The following KLRG1 variants were observed in gnomAD, a reference collection of about 807,000 sequenced individuals.
KLRG1 encodes the protein killer cell lectin-like receptor subfamily G member 1.
A neutral mutation model predicts 21.8 loss-of-function variants in KLRG1; 16 were observed. The ratio of observed to expected loss-of-function variants is 0.73; its 90% CI spans 0.50 to 1.11. The LOEUF (loss-of-function observed/expected upper bound fraction) is 1.11, where lower values mean the gene tolerates loss of function less well. KLRG1 is among the 50% of genes most tolerant of loss of function. KLRG1 has a pLI of 0.00. For synonymous variants in KLRG1, 69 were observed against 75.9 expected, an observed-to-expected ratio of 0.91 and a Z score of 0.47; for missense variants, 173 against 218.3, an observed-to-expected ratio of 0.79 and a Z score of 1.31.
At chr12:8,998,860 A>G (rs981490330) in intron 3 of KLRG1, among the ~76,000 whole-genome samples, 1 of 152,158 alleles carries the variant, frequency 6.6e-6, no homozygotes, top group Non-Finnish European at 1.5e-5. Flanking sequence ...GAATTGACAT[A>G]CAGAATGTAC....
chr12:9,165,154 A>T, the KLRG1 span: 1 of 1,613,910 alleles, frequency 6.2e-7, no homozygotes, highest in African/African-American at 1.3e-5. Flanking sequence ...TGCATTTGGG[A>T]AGGTAGTTTA....
At chr12:9,022,241 G>A in the KLRG1 span, among the ~76,000 whole-genome samples, 6 of 152,188 alleles carry the variant, frequency 3.9e-5, no homozygotes, top group South Asian at 4.1e-4. Flanking sequence ...ATACTTTTAC[G>A]TGACTGGCAG....
At chr12:9,162,432 T>G in the KLRG1 span, 1 of 600,058 alleles carries the variant, frequency 1.7e-6, no homozygotes, top group Non-Finnish European at 2.9e-6. Context: ...TCTCTTGGGC[T>G]CAATGTCTTC....
At chr12:9,024,839 G>A in the KLRG1 span, among the ~76,000 whole-genome samples, 1 of 152,052 alleles carries the variant, frequency 6.6e-6, no homozygotes, top group South Asian at 2.1e-4. Context: ...TCTTTCCCTT[G>A]CTAGTAATGC....
chr12:9,016,479 A>T, the KLRG1 span, among the ~76,000 whole-genome samples: 1 of 152,182 alleles, frequency 6.6e-6, no homozygotes, highest in African/African-American at 2.4e-5. Flanking sequence ...ACTTGAGCAG[A>T]CCAATAACAG....
At chr12:9,171,820 C>T in the KLRG1 span, among the ~76,000 whole-genome samples, 1 of 152,084 alleles carries the variant, frequency 6.6e-6, no homozygotes, top group Non-Finnish European at 1.5e-5. Context: ...TGAACAAAAC[C>T]TCTGAGAAAT....
At chr12:9,096,941 T>C in the KLRG1 span, among the ~76,000 whole-genome samples, 2 of 152,084 alleles carry the variant, frequency 1.3e-5, no homozygotes, top group African/African-American at 4.8e-5. Flanking sequence ...GTTGAATGAA[T>C]GACCTACACT....
chr12:8,967,493 A>G (rs1203877342), intron 1 of KLRG1, among the ~76,000 whole-genome samples: 2 of 152,182 alleles, frequency 1.3e-5, no homozygotes, highest in Admixed American at 6.5e-5. Flanking sequence ...AAGCTGAGGC[A>G]GGAGGATCCT....
the KLRG1 span, among the ~76,000 whole-genome samples, chr12:9,037,625 C>A: frequency 6.6e-6 from 1 of 152,228 alleles, no homozygotes; most frequent in Non-Finnish European, 1.5e-5. Flanking sequence ...ACTCACCACT[C>A]ACTGACTCAC....
At chr12:9,109,613 G>C in the KLRG1 span, among the ~76,000 whole-genome samples, 1 of 152,102 alleles carries the variant, frequency 6.6e-6, no homozygotes, top group Admixed American at 6.5e-5. Flanking sequence ...AATTAATTAT[G>C]GAAAACTCCA....
the KLRG1 span, among the ~76,000 whole-genome samples, chr12:9,053,968 C>A: frequency 1.3e-5 from 2 of 152,192 alleles, no homozygotes; most frequent in African/African-American, 4.8e-5. Context: ...CAGCTCCTCA[C>A]CCTCCATGAT....
chr12:9,149,634 G>A, the KLRG1 span: 5 of 1,606,508 alleles, frequency 3.1e-6, no homozygotes, highest in East Asian at 2.2e-5. Context: ...AGGAAGAAAC[G>A]AAAGATCTAT....
chr12:9,113,614 C>A, the KLRG1 span: 1 of 1,423,086 alleles, frequency 7.0e-7, no homozygotes, highest in Non-Finnish European at 9.8e-7. Context: ...CACTTTTTTC[C>A]ATCATCATAA....
intron 1 of KLRG1, among the ~76,000 whole-genome samples, chr12:8,955,105 T>TG (rs1351976700): frequency 6.6e-6 from 1 of 152,006 alleles, no homozygotes; most frequent in Non-Finnish European, 1.5e-5. Flanking sequence ...TTAGTAGAGA[T>TG]GGGGTTTCAC....
chr12:8,954,567 T>G (rs1390879638), intron 1 of KLRG1, among the ~76,000 whole-genome samples: 3 of 152,064 alleles, frequency 2.0e-5, no homozygotes, highest in Non-Finnish European at 2.9e-5. Context: ...TCTCTTACCC[T>G]TATCCTAGAA....
the KLRG1 span, chr12:9,074,570 G>A: frequency 6.2e-7 from 1 of 1,610,450 alleles, no homozygotes; most frequent in Non-Finnish European, 8.5e-7. Context: ...CTGGGTGGAG[G>A]AGAAACCGCC....
chr12:9,120,039 T>A, the KLRG1 span, among the ~76,000 whole-genome samples: 11 of 152,312 alleles, frequency 7.2e-5, no homozygotes, highest in South Asian at 2.1e-3. Flanking sequence ...ATATCTGTGG[T>A]CTCACCTTAA....
At chr12:9,011,777 G>A (rs1947635454), downstream of KLRG1, among the ~76,000 whole-genome samples, 1 of 152,202 alleles carries the variant, frequency 6.6e-6, no homozygotes, top group Non-Finnish European at 1.5e-5. Context: ...TCTCCCAGCA[G>A]CACAGTGTGG....
intron 1 of KLRG1, among the ~76,000 whole-genome samples, chr12:8,957,540 T>C (rs1482993257): frequency 6.6e-6 from 1 of 151,792 alleles, no homozygotes; most frequent in Non-Finnish European, 1.5e-5. Context: ...TTTGTTTTTT[T>C]GTTTTTTGTT....
Sources: allele counts gnomAD v4.1 joint callset (sites outside exome capture counted in the v4.1 genomes callset), GRCh38; gene constraint gnomAD v4.1.1; transcripts MANE v1.5; gene names NCBI Gene and HGNC (gene_info 2026-07-23, HGNC 2026-07-21).